The following CILK1 variants were observed in gnomAD, a reference collection of about 807,000 sequenced individuals.
CILK1 encodes serine/threonine-protein kinase ICK.
In CILK1, 47 loss-of-function variants were observed where a neutral mutation model predicts 79.2. The observed-to-expected ratio is 0.59, with a 90% CI of 0.47 to 0.76. The LOEUF is 0.76. Ranked by LOEUF, CILK1 falls within the 30% of genes least tolerant of loss-of-function variation. The probability of loss-of-function intolerance (pLI) is 0.00; values close to 1 mark genes in which losing one functional copy is unlikely to be tolerated. For missense variants in CILK1, 660 were observed against 769.5 expected (o/e 0.86, Z 1.68); for synonymous variants, 266 against 275.9 (o/e 0.96, Z 0.36).
chr6:53,018,451 A>G lies in CILK1; in HGVS notation c.542T>C (p.Ile181Thr). 1.2e-6 allele frequency: 2 copies of G among 1,614,222 alleles called. No homozygotes were observed. The highest frequency in any genetic ancestry group is 1.7e-6 in the Non-Finnish European group (2 of 1,180,028). The change falls in exon 7 of 14, where the codon ATT becomes ACT. Residue 181 changes from isoleucine (I) to threonine (T), a missense_variant. Coordinates refer to ENST00000676107, the MANE Select transcript of CILK1 (RefSeq NM_014920.5). Reference sequence around the variant, plus strand: ...GATGCAGCCCACCGCCCAGACGTCAATGGGGGAGCTGTAGTTGGTAGACCT... The same window carrying G: ...GATGCAGCCCACCGCCCAGACGTCAGTGGGGGAGCTGTAGTTGGTAGACCT... ...LLRSTNYSSP[I>T]DVWAVGCIMA...
chr6:53,051,067 G>A (rs1470708449), intron 1 of CILK1, among the ~76,000 whole-genome samples: 1 of 152,140 alleles, frequency 6.6e-6, no homozygotes, highest in Non-Finnish European at 1.5e-5. Context: ...ATGACCAGAA[G>A]ACATGGACAC....
chr6:53,044,012 T>G (rs1581749765), intron 1 of CILK1, among the ~76,000 whole-genome samples: 3 of 148,212 alleles, frequency 2.0e-5, no homozygotes, highest in Non-Finnish European at 1.5e-5. Flanking sequence ...AATTAGGGGG[T>G]GGGAAAGGGG....
intron 1 of CILK1, among the ~76,000 whole-genome samples, chr6:53,060,445 T>C (rs990575081): frequency 6.6e-6 from 1 of 152,130 alleles, no homozygotes; most frequent in Non-Finnish European, 1.5e-5. Flanking sequence ...GAGAAGGGGA[T>C]AAGGCAAAGC....
intron 3 of CILK1, among the ~76,000 whole-genome samples, chr6:53,036,900 A>C (rs1766376527): frequency 6.6e-6 from 1 of 152,084 alleles, no homozygotes; most frequent in South Asian, 2.1e-4. Context: ...TTTATATTTT[A>C]TAAATAAAAA....
chr6:53,033,596 G>A (rs1766114440), intron 3 of CILK1, among the ~76,000 whole-genome samples: 1 of 152,148 alleles, frequency 6.6e-6, no homozygotes, highest in Admixed American at 6.5e-5. Context: ...TTTGGCCAGT[G>A]AGATGAATCC....
chr6:53,007,899 C>T (rs189164997), intron 12 of CILK1, among the ~76,000 whole-genome samples: 9 of 151,872 alleles, frequency 5.9e-5, no homozygotes, highest in Admixed American at 5.9e-4. Context: ...GAGATCATGC[C>T]ACTGCACTCC....
At chr6:53,050,306 C>T (rs1275000844) in intron 1 of CILK1, among the ~76,000 whole-genome samples, 2 of 151,828 alleles carry the variant, frequency 1.3e-5, no homozygotes, top group East Asian at 1.9e-4. Flanking sequence ...TAAGTCACTC[C>T]ATTGAGACCT....
At chr6:53,034,345 C>A (rs1333365575) in intron 3 of CILK1, among the ~76,000 whole-genome samples, 1 of 152,114 alleles carries the variant, frequency 6.6e-6, no homozygotes, top group East Asian at 1.9e-4. Flanking sequence ...ACAAGAAAGT[C>A]CCTAGTAGTT....
At chr6:53,009,330 G>A (rs768561441) in intron 12 of CILK1, 109 bp downstream of exon 12, 65 of 1,063,232 alleles carry the variant, frequency 6.1e-5, no homozygotes, top group Non-Finnish European at 9.1e-5. Flanking sequence ...GCTTTCAGAT[G>A]ACAAAGGCCC....
rs567744436 is a variant in CILK1 at position 53,018,173 on chromosome 6, C to T, written c.663+157G>A. Among the ~76,000 whole-genome samples the T allele has an allele frequency of 3.3e-5, 5 of 152,194 alleles. No individual in the cohort carries two copies. In the South Asian group the frequency reaches 1.0e-3, roughly 32 times the overall value. On this transcript the variant is annotated intron_variant, in intron 7 of 13. Coordinates refer to ENST00000676107, the MANE Select transcript of CILK1 (RefSeq NM_014920.5). Reference sequence around the variant, plus strand: ...AACAGGAGGAGGAAGAGAAGCCGACCGTATCTGAGAACGTGGGCAGTGGAG... The same window carrying T: ...AACAGGAGGAGGAAGAGAAGCCGACTGTATCTGAGAACGTGGGCAGTGGAG...
At chr6:53,010,138 G>A (rs987981446) in intron 11 of CILK1, among the ~76,000 whole-genome samples, 1 of 151,990 alleles carries the variant, frequency 6.6e-6, no homozygotes, top group Non-Finnish European at 1.5e-5. Flanking sequence ...TTTGCCTGTG[G>A]TCACTGTAAT....
At chr6:53,041,102 T>C in intron 2 of CILK1, 34 bp downstream of exon 2, 1 of 1,411,680 alleles carries the variant, frequency 7.1e-7, no homozygotes, top group Non-Finnish European at 1.0e-6. Flanking sequence ...AGGGTAGAGT[T>C]AAAATTATCA....
intron 5 of CILK1, 127 bp downstream of exon 5, chr6:53,030,938 T>A (rs1390887313): frequency 2.9e-6 from 2 of 701,240 alleles, no homozygotes; most frequent in Non-Finnish European, 5.2e-6. Context: ...TAAAATCCAT[T>A]GTCAGCCTCT....
At chr6:53,054,484 A>AT (rs1767711652) in intron 1 of CILK1, 1 of 152,200 alleles carries the variant, frequency 6.6e-6, no homozygotes, top group African/African-American at 2.4e-5. Flanking sequence ...CAGTGCTTCT[A>AT]TTTTGTCATA....
intron 11 of CILK1, among the ~76,000 whole-genome samples, chr6:53,011,104 C>T (rs1764542818): frequency 6.6e-6 from 1 of 152,154 alleles, no homozygotes; most frequent in Admixed American, 6.5e-5. Flanking sequence ...ATAGCATTGA[C>T]ATTTAACCCC....
intron 1 of CILK1, among the ~76,000 whole-genome samples, chr6:53,046,722 G>A (rs1295705876): frequency 6.6e-6 from 1 of 152,158 alleles, no homozygotes; most frequent in Non-Finnish European, 1.5e-5. Context: ...AAGATGCTAA[G>A]CATTATGCAA....
At chr6:53,049,230 G>C (rs1581761165) in intron 1 of CILK1, among the ~76,000 whole-genome samples, 1 of 152,246 alleles carries the variant, frequency 6.6e-6, no homozygotes, top group East Asian at 1.9e-4. Flanking sequence ...TGATACTATG[G>C]GCTACACCCA....
At chr6:53,009,678 A>T in intron 11 of CILK1, 111 bp from the exon 12 acceptor site, 1 of 935,842 alleles carries the variant, frequency 1.1e-6, no homozygotes, top group South Asian at 1.6e-5. Flanking sequence ...TCTATGATAC[A>T]ATAATCAAAG....
At chr6:53,045,791 TAAAAAAA>T (rs34673433) in intron 1 of CILK1, among the ~76,000 whole-genome samples, 3 of 113,358 alleles carry the variant, frequency 2.6e-5, no homozygotes, top group Admixed American at 9.8e-5. Context: ...GTCATCTTCC[TAAAAAAA>T]AAAAAAAAAA....
Sources: allele counts gnomAD v4.1 joint callset (sites outside exome capture counted in the v4.1 genomes callset), GRCh38; gene constraint gnomAD v4.1.1; transcripts MANE v1.5; gene names NCBI Gene and HGNC (gene_info 2026-07-23, HGNC 2026-07-21).